The following SLC24A2 variants were observed in gnomAD, a reference collection of about 807,000 sequenced individuals.
The protein encoded by SLC24A2 is solute carrier family 24 member 2.
Under a neutral mutation model 62.0 loss-of-function variants are expected in SLC24A2, and 36 were observed. The observed-to-expected ratio is 0.58, with a 90% confidence interval of 0.44 to 0.77. SLC24A2 has a LOEUF of 0.77. Among genes scored for constraint, SLC24A2 ranks in the 30% least tolerant of loss-of-function variants. SLC24A2 has a pLI of 0.00. For missense variants in SLC24A2, 846 were observed against 817.9 expected (o/e 1.03, Z -0.42); for synonymous variants, 358 against 294.0 (o/e 1.22, Z -2.23).
chr9:20,248,759 A>G, the SLC24A2 span, among the ~76,000 whole-genome samples: 1 of 152,252 alleles, frequency 6.6e-6, no homozygotes, highest in African/African-American at 2.4e-5. Flanking sequence ...CTTATCAGGA[A>G]CAGAGTAACT....
At chr9:20,053,726 A>G in the SLC24A2 span, among the ~76,000 whole-genome samples, 1 of 152,162 alleles carries the variant, frequency 6.6e-6, no homozygotes, top group Non-Finnish European at 1.5e-5. Context: ...TGAACCAGGA[A>G]GCAGGCCCTC....
At chr9:20,096,068 T>TATCCATCC in the SLC24A2 span, among the ~76,000 whole-genome samples, 7 of 149,776 alleles carry the variant, frequency 4.7e-5, no homozygotes, top group South Asian at 2.2e-4. Context: ...ACCATATCTG[T>TATCCATCC]ATCCATCCAT....
the SLC24A2 span, among the ~76,000 whole-genome samples, chr9:20,275,429 G>T: frequency 1.3e-5 from 2 of 152,164 alleles, no homozygotes; most frequent in Non-Finnish European, 2.9e-5. Flanking sequence ...AGTGGCATCT[G>T]CTCCTAAATG....
chr9:19,839,447 T>C, the SLC24A2 span, among the ~76,000 whole-genome samples: 3 of 152,212 alleles, frequency 2.0e-5, no homozygotes, highest in Non-Finnish European at 4.4e-5. Context: ...GGAATGCTGT[T>C]AGGTACTATA....
At chr9:20,012,282 A>G in the SLC24A2 span, among the ~76,000 whole-genome samples, 5 of 152,186 alleles carry the variant, frequency 3.3e-5, no homozygotes, top group African/African-American at 4.8e-5. Context: ...TGAAAGACAC[A>G]TCTCACATGG....
the SLC24A2 span, among the ~76,000 whole-genome samples, chr9:20,159,967 T>C: frequency 2.0e-5 from 3 of 151,560 alleles, no homozygotes; most frequent in African/African-American, 7.3e-5. Flanking sequence ...TAAGTGTGGA[T>C]AGGCTTACCT....
At chr9:19,799,379 A>T in the SLC24A2 span, among the ~76,000 whole-genome samples, 8 of 152,242 alleles carry the variant, frequency 5.3e-5, no homozygotes, top group Non-Finnish European at 1.0e-4. Context: ...TCTGCATGTG[A>T]TGTTTCTTTC....
chr9:19,654,777 G>A (rs1308736874), intron 2 of SLC24A2, among the ~76,000 whole-genome samples: 1 of 152,094 alleles, frequency 6.6e-6, no homozygotes, highest in Non-Finnish European at 1.5e-5. Context: ...ATGTCCAACT[G>A]CTTTGCCCAG....
intron 8 of SLC24A2, among the ~76,000 whole-genome samples, chr9:19,536,387 T>G: frequency 8.6e-6 from 1 of 115,700 alleles, no homozygotes; most frequent in Admixed American, 1.0e-4. Context: ...GAGTGTGATA[T>G]TCCCCTTCCT....
intron 4 of SLC24A2, among the ~76,000 whole-genome samples, chr9:19,615,424 T>C (rs761266012): frequency 3.3e-5 from 5 of 152,200 alleles, no homozygotes; most frequent in East Asian, 1.9e-4. Flanking sequence ...CACAAGGACA[T>C]GTGAATTCAA....
At chr9:19,593,748 A>G (rs1268592450) in intron 5 of SLC24A2, among the ~76,000 whole-genome samples, 1 of 152,026 alleles carries the variant, frequency 6.6e-6, no homozygotes, top group Non-Finnish European at 1.5e-5. Context: ...GTGGAACCCA[A>G]AGGGCGGGGC....
At chr9:20,046,410 C>G in the SLC24A2 span, among the ~76,000 whole-genome samples, 2 of 152,354 alleles carry the variant, frequency 1.3e-5, no homozygotes, top group African/African-American at 2.4e-5. Context: ...GCCCAACCTT[C>G]CTCCAGATTG....
At chr9:20,005,659 T>C in the SLC24A2 span, among the ~76,000 whole-genome samples, 1 of 152,076 alleles carries the variant, frequency 6.6e-6, no homozygotes, top group East Asian at 1.9e-4. Flanking sequence ...ACAGGGTATT[T>C]CTTAAGTGCA....
the SLC24A2 span, among the ~76,000 whole-genome samples, chr9:19,829,785 G>C: frequency 4.5e-5 from 1 of 22,458 alleles, no homozygotes; most frequent in East Asian, 4.7e-4. Flanking sequence ...GTGTGTGTGT[G>C]TGTGTGTGTG....
chr9:20,154,252 T>C, the SLC24A2 span, among the ~76,000 whole-genome samples: 3 of 151,954 alleles, frequency 2.0e-5, no homozygotes, highest in East Asian at 3.9e-4. Flanking sequence ...ATCAAACTAT[T>C]TGATGCCTGA....
At chr9:20,252,028 A>G in the SLC24A2 span, among the ~76,000 whole-genome samples, 1 of 152,226 alleles carries the variant, frequency 6.6e-6, no homozygotes, top group South Asian at 2.1e-4. Context: ...TCCTAGACCA[A>G]TCACTGTCAA....
At chr9:20,282,046 T>C in the SLC24A2 span, among the ~76,000 whole-genome samples, 1 of 152,230 alleles carries the variant, frequency 6.6e-6, no homozygotes, top group African/African-American at 2.4e-5. Context: ...TTTAGCAGCC[T>C]GAGCTTTATT....
the SLC24A2 span, among the ~76,000 whole-genome samples, chr9:20,234,893 G>C: frequency 3.9e-5 from 6 of 152,186 alleles, no homozygotes; most frequent in African/African-American, 9.6e-5. Context: ...GTGACGTACA[G>C]ATGGGTTTTT....
At chr9:20,113,456 A>G in the SLC24A2 span, among the ~76,000 whole-genome samples, 1 of 152,178 alleles carries the variant, frequency 6.6e-6, no homozygotes, top group Non-Finnish European at 1.5e-5. Context: ...ATTTGTTATG[A>G]TGATGATTAT....
Sources: allele counts gnomAD v4.1 joint callset (sites outside exome capture counted in the v4.1 genomes callset), GRCh38; gene constraint gnomAD v4.1.1; transcripts MANE v1.5; gene names NCBI Gene and HGNC (gene_info 2026-07-23, HGNC 2026-07-21).